The following COPRS variants were observed in gnomAD, a reference collection of about 807,000 sequenced individuals.
COPRS encodes the protein coordinator of PRMT5 and differentiation stimulator, also known as cooperator of PRMT5.
In COPRS, 11 loss-of-function variants were observed where a neutral mutation model predicts 19.9. The ratio of observed to expected loss-of-function variants is 0.55; its 90% CI spans 0.35 to 0.92. The LOEUF is 0.92. Ranked by LOEUF, COPRS falls within the 40% of genes least tolerant of loss-of-function variation. The pLI is 0.01. For missense variants in COPRS, 225 were observed against 229.9 expected, an observed-to-expected ratio of 0.98 and a Z score of 0.14; for synonymous variants, 81 against 82.7, an observed-to-expected ratio of 0.98 and a Z score of 0.11.
In COPRS at chr17:31,852,314, G is replaced by A. The variant is rs200190644; in HGVS notation, c.386-6C>T. 2 of 1,598,178 alleles carry A rather than the reference G, an allele frequency of 1.3e-6. No homozygotes were observed. The highest frequency in any genetic ancestry group is 1.1e-5 in the South Asian group (1 of 88,712). On this transcript the variant is annotated splice_polypyrimidine_tract_variant and splice_region_variant and intron_variant, in intron 3 of 3. Transcript: ENST00000302362. ...CTCCTGGATGTCGTCAGCATCTGCA[G>A]GCAGTTTTAAAAGACAGATTAAGGG...
At chr17:31,856,706 G>T in intron 2 of COPRS, 93 bp downstream of exon 2, 1 of 840,570 alleles carries the variant, frequency 1.2e-6, no homozygotes, top group Non-Finnish European at 2.1e-6. Context: ...CAGCAGAGAG[G>T]ACTGGCTAAA....
intron 2 of COPRS, among the ~76,000 whole-genome samples, chr17:31,855,551 T>C (rs1246998805): frequency 6.6e-6 from 1 of 151,902 alleles, no homozygotes; most frequent in Non-Finnish European, 1.5e-5. Context: ...CCAGGCGATA[T>C]GGTGCACGCC....
In COPRS at chr17:31,853,040, CA is replaced by C. The variant is rs1598084313; in HGVS notation, c.167-11del. 1 of 1,606,236 alleles carries C rather than the reference CA, an allele frequency of 6.2e-7. No homozygotes were observed. The highest frequency in any genetic ancestry group is 8.5e-7 in the Non-Finnish European group (1 of 1,172,988). On this transcript the variant is annotated splice_polypyrimidine_tract_variant and intron_variant, in intron 2 of 3. Coordinates refer to ENST00000302362, the MANE Select transcript of COPRS (RefSeq NM_018405.4). ...CTCTGTGTTCCACGGGCTAAATTGA[CA>C]AAGAGAAGATGGCCTTAGTGACAAA...
intron 2 of COPRS, among the ~76,000 whole-genome samples, chr17:31,854,096 C>T (rs1909248835): frequency 6.6e-6 from 1 of 152,090 alleles, no homozygotes; most frequent in African/African-American, 2.4e-5. Context: ...GGGCCGGGCA[C>T]GGTAGCTCAC....
intron 2 of COPRS, 118 bp from the exon 3 acceptor site, chr17:31,853,148 T>A: frequency 1.4e-6 from 1 of 738,238 alleles, no homozygotes; most frequent in Non-Finnish European, 2.4e-6. Context: ...AGAGTCTTCT[T>A]TAGCCACCGA....
chr17:31,854,852 A>G (rs1285915634), intron 2 of COPRS, among the ~76,000 whole-genome samples: 1 of 152,198 alleles, frequency 6.6e-6, no homozygotes, highest in Non-Finnish European at 1.5e-5. Flanking sequence ...CTTGGTGAGC[A>G]CAGGGTTTCC....
chr17:31,855,307 C>T (rs985625137), intron 2 of COPRS, among the ~76,000 whole-genome samples: 1 of 151,930 alleles, frequency 6.6e-6, no homozygotes, highest in Admixed American at 6.6e-5. Context: ...GTCAGGAGAT[C>T]GAGACCATCC....
chr17:31,858,980 G>C lies in COPRS; in HGVS notation c.99+121C>G. 2.3e-6 allele frequency: 3 copies of C among 1,331,946 alleles called. No individual in the cohort carries two copies. The South Asian group carries it at 5.5e-5, about 24-fold the overall frequency. 82.5% of individuals were successfully genotyped at this position (1,331,946 alleles called of 1,614,324 possible). ...GCCCAAACAGCGCTCCGTGTCGCGGGGCGGCCCGAGGCCGGCCAGAGGCGC... is the reference window on the plus strand; with the variant it reads ...GCCCAAACAGCGCTCCGTGTCGCGGCGCGGCCCGAGGCCGGCCAGAGGCGC... On this transcript the variant is annotated intron_variant, in intron 1 of 3. Transcript: ENST00000302362.
intron 1 of COPRS, chr17:31,858,492 C>G (rs1567770796): frequency 1.4e-6 from 1 of 727,402 alleles, no homozygotes; most frequent in African/African-American, 1.9e-5. Flanking sequence ...TCAAGCCGCT[C>G]AGCACCTAGC....
At chr17:31,856,009 A>AG (rs1555571654) in intron 2 of COPRS, among the ~76,000 whole-genome samples, 1 of 143,806 alleles carries the variant, frequency 7.0e-6, no homozygotes, top group Non-Finnish European at 1.5e-5. Flanking sequence ...AAAAAAAAAA[A>AG]CGGCAGGGGG....
Position 31,858,799 on chromosome 17 carries a change from G to C in COPRS, c.99+302C>G, listed in dbSNP as rs540163471. 11 of 1,550,352 alleles carry C rather than the reference G, an allele frequency of 7.1e-6. No homozygotes were observed. The East Asian group carries it at 2.7e-4, about 38-fold the overall frequency. ...CTCCTGGCAGCGGGCCCCGGCTCTC[G>C]GTCACCAGCGTCACCTCCCATTTAC... On this transcript the variant is annotated intron_variant, in intron 1 of 3. Transcript: ENST00000302362.
intron 2 of COPRS, among the ~76,000 whole-genome samples, chr17:31,854,245 C>T (rs928845687): frequency 6.6e-6 from 1 of 150,756 alleles, no homozygotes; most frequent in African/African-American, 2.4e-5. Context: ...TGGCATGCAC[C>T]TGTAATCCCA....
At chr17:31,858,423 C>T (rs964487556) in intron 1 of COPRS, 21 of 985,262 alleles carry the variant, frequency 2.1e-5, no homozygotes, top group Non-Finnish European at 2.0e-5. Context: ...GTATGTCTAT[C>T]TCCTGTGCCA....
At chr17:31,858,697 C>T (rs1306432910) in intron 1 of COPRS, 1 of 1,495,126 alleles carries the variant, frequency 6.7e-7, no homozygotes, top group Non-Finnish European at 9.1e-7. Context: ...GCTGGCATCC[C>T]CACCAACGGA....
At chr17:31,854,467 CAT>C (rs1909266439) in intron 2 of COPRS, among the ~76,000 whole-genome samples, 1 of 147,080 alleles carries the variant, frequency 6.8e-6, no homozygotes, top group African/African-American at 2.5e-5. Context: ...CAGTCCTAAA[CAT>C]ATACCCAAAA....
At chr17:31,854,825 G>A (rs372012547) in intron 2 of COPRS, among the ~76,000 whole-genome samples, 56 of 150,970 alleles carry the variant, frequency 3.7e-4, no homozygotes, top group African/African-American at 1.3e-3. Context: ...AGAGAAGGAA[G>A]GAATGGAGAA....
At chr17:31,856,755 C>T in intron 2 of COPRS, 44 bp downstream of exon 2, 1 of 1,190,000 alleles carries the variant, frequency 8.4e-7, no homozygotes, top group Non-Finnish European at 1.3e-6. Flanking sequence ...TTCCTCTCCT[C>T]ACATCCTTGG....
chr17:31,858,335 T>A (rs2142278217), intron 1 of COPRS: 1 of 983,978 alleles, frequency 1.0e-6, no homozygotes, highest in South Asian at 4.7e-5. Context: ...CCAAAGTAAT[T>A]TTCTTTGTAA....
intron 2 of COPRS, among the ~76,000 whole-genome samples, chr17:31,856,292 G>A (rs548299348): frequency 6.6e-6 from 1 of 152,028 alleles, no homozygotes; most frequent in Non-Finnish European, 1.5e-5. Context: ...CTGACATCGT[G>A]CCACTGTACT....
Sources: allele counts gnomAD v4.1 joint callset (sites outside exome capture counted in the v4.1 genomes callset), GRCh38; gene constraint gnomAD v4.1.1; transcripts MANE v1.5; gene names NCBI Gene and HGNC (gene_info 2026-07-23, HGNC 2026-07-21).